The following AK6 variants were observed in gnomAD, a reference collection of about 807,000 sequenced individuals.
The protein encoded by AK6 is adenylate kinase isoenzyme 6.
AK6 carries 24 observed loss-of-function variants against 23.7 expected under a neutral mutation model. The observed-to-expected ratio is 1.01, with a 90% CI of 0.73 to 1.43. The LOEUF is 1.43. Among genes scored for constraint, AK6 ranks in the 40% most tolerant of loss-of-function variants. The pLI, the probability that AK6 is intolerant of heterozygous loss-of-function variation, is 0.00. For missense variants in AK6, 191 were observed against 199.1 expected, an observed-to-expected ratio of 0.96 and a Z score of 0.24; for synonymous variants, 73 against 69.8, an observed-to-expected ratio of 1.05 and a Z score of -0.23.
At chr5:69,366,005 T>G (rs184778380) in intron 2 of AK6, among the ~76,000 whole-genome samples, 1 of 152,254 alleles carries the variant, frequency 6.6e-6, no homozygotes, top group East Asian at 1.9e-4. Flanking sequence ...CGATGAAAGA[T>G]TAGGGGAAAA....
intron 2 of AK6, among the ~76,000 whole-genome samples, chr5:69,362,996 A>G: frequency 6.6e-6 from 1 of 152,032 alleles, no homozygotes; most frequent in East Asian, 1.9e-4. Flanking sequence ...TTGGGAGGCT[A>G]AGGCAGAAGG....
chr5:69,359,723 C>T (rs949407553), intron 2 of AK6, among the ~76,000 whole-genome samples: 6 of 152,156 alleles, frequency 3.9e-5, no homozygotes, highest in Admixed American at 6.5e-5. Context: ...GCTGCCAATA[C>T]TTAAAATTTT....
chr5:69,366,663 G>A, intron 1 of AK6, 68 bp from the exon 2 acceptor site: 1 of 1,143,020 alleles, frequency 8.7e-7, no homozygotes, highest in Non-Finnish European at 1.3e-6. Flanking sequence ...TCCACCTTCT[G>A]CCTTTCCTTT....
intron 1 of AK6, among the ~76,000 whole-genome samples, chr5:69,367,198 G>A (rs1401469505): frequency 3.3e-5 from 5 of 151,990 alleles, no homozygotes; most frequent in Admixed American, 6.6e-5. Context: ...TGCTGCTACC[G>A]GGGAACTGCT....
chr5:69,361,374 G>A (rs1325537993), intron 2 of AK6, among the ~76,000 whole-genome samples: 3 of 152,028 alleles, frequency 2.0e-5, no homozygotes, highest in Non-Finnish European at 2.9e-5. Flanking sequence ...GCCCACCTCG[G>A]CTCCCCACAG....
At chr5:69,366,391 T>G in intron 2 of AK6, 112 bp downstream of exon 2, 1 of 789,864 alleles carries the variant, frequency 1.3e-6, no homozygotes, top group East Asian at 2.5e-5. Context: ...GTATATATTC[T>G]TTAATGGCAA....
intron 1 of AK6, chr5:69,367,736 G>C (rs1303608073): frequency 6.6e-6 from 1 of 151,910 alleles, no homozygotes; most frequent in Non-Finnish European, 1.5e-5. Context: ...GTAGAGACGG[G>C]GTTTGGCTAT....
chr5:69,354,857 A>G (rs966306309), intron 4 of AK6, among the ~76,000 whole-genome samples: 6 of 151,976 alleles, frequency 3.9e-5, no homozygotes, highest in African/African-American at 1.2e-4. Flanking sequence ...ACGGAGTCTC[A>G]CTCTGTTGCC....
chr5:69,357,867 T>C (rs1406869502), intron 2 of AK6, among the ~76,000 whole-genome samples: 2 of 152,140 alleles, frequency 1.3e-5, no homozygotes, highest in African/African-American at 4.8e-5. Context: ...CTTTATAAAA[T>C]ATTATGTAAT....
intron 2 of AK6, chr5:69,365,470 C>A (rs1438664815): frequency 1.2e-6 from 2 of 1,613,988 alleles, no homozygotes; most frequent in Admixed American, 3.3e-5. Context: ...AATAAAAAAT[C>A]TCTTGGGGGA....
At chr5:69,368,688 C>T (rs3756402) in intron 1 of AK6, 127,737 of 152,206 alleles carry the variant, frequency 0.84, 55,269 homozygotes, top group Non-Finnish European at 0.95. Context: ...CTGTACCTTG[C>T]AATAAAATCT....
chr5:69,358,402 T>A (rs1224042302), intron 2 of AK6, among the ~76,000 whole-genome samples: 1 of 150,756 alleles, frequency 6.6e-6, no homozygotes, highest in Non-Finnish European at 1.5e-5. Flanking sequence ...GTGCCTGTAA[T>A]CCCAGCTGCT....
intron 2 of AK6, among the ~76,000 whole-genome samples, chr5:69,359,143 G>A (rs1332023298): frequency 6.6e-6 from 1 of 151,988 alleles, no homozygotes; most frequent in Non-Finnish European, 1.5e-5. Context: ...CTACTCTGGA[G>A]GTTGAGGTGG....
intron 1 of AK6, among the ~76,000 whole-genome samples, chr5:69,368,135 C>T (rs1762572637): frequency 6.6e-6 from 1 of 152,124 alleles, no homozygotes; most frequent in Non-Finnish European, 1.5e-5. Flanking sequence ...CAAAGAAACC[C>T]TATTTATGTT....
intron 2 of AK6, among the ~76,000 whole-genome samples, chr5:69,358,429 G>A (rs1292161881): frequency 6.0e-5 from 9 of 149,596 alleles, no homozygotes; most frequent in African/African-American, 2.2e-4. Flanking sequence ...GTTGAGGCAG[G>A]AGAATCGCTT....
At chr5:69,358,517 CAAAAAAAAA>C (rs5868577) in intron 2 of AK6, among the ~76,000 whole-genome samples, 3 of 54,172 alleles carry the variant, frequency 5.5e-5, no homozygotes, top group South Asian at 1.8e-3. Flanking sequence ...GACTCTGTCT[CAAAAAAAAA>C]AAAAAAAAAA....
At position 69,359,067 on chromosome 5, in the gene AK6, C is replaced by T. The variant is rs373680647; in HGVS notation, c.122-3114G>A. Among the ~76,000 whole-genome samples, 13 of 150,958 alleles carry T rather than the reference C, an allele frequency of 8.6e-5. No homozygotes were observed. In the East Asian group the frequency reaches 1.8e-3, roughly 20 times the overall value. Reference sequence around the variant, plus strand: ...ATCACCCTGGATAACATAGCAACACCCCACCACTACCAAAAGAAAAAAAAA... The same window carrying T: ...ATCACCCTGGATAACATAGCAACACTCCACCACTACCAAAAGAAAAAAAAA... On this transcript the variant is annotated intron_variant, in intron 2 of 4. Transcript: ENST00000380822.
chr5:69,369,244 C>CCCCCCCCCCCCCCCCCCCCA, intron 1 of AK6: 1 of 266,128 alleles, frequency 3.8e-6, no homozygotes, highest in Non-Finnish European at 7.0e-6. Flanking sequence ...CCGCCCCCCC[C>CCCCCCCCCCCCCCCCCCCCA]CGGAGCCTCA....
At chr5:69,363,916 C>T (rs940281742) in intron 2 of AK6, among the ~76,000 whole-genome samples, 1 of 151,838 alleles carries the variant, frequency 6.6e-6, no homozygotes, top group African/African-American at 2.4e-5. Context: ...GGCAAAAGCC[C>T]ATCTCTACTA....
Sources: gnomAD v4.1 joint callset for allele counts (sites outside exome capture counted in the v4.1 genomes callset) on GRCh38, gnomAD v4.1.1 for gene constraint, MANE v1.5 for transcripts, NCBI Gene and HGNC (gene_info 2026-07-23, HGNC 2026-07-21) for gene names.